Variants in PDZD8 observed in about 807,000 individuals in gnomAD.
PDZD8 encodes the protein PDZ domain-containing protein 8.
A neutral mutation model predicts 85.8 loss-of-function variants in PDZD8; 14 were observed. The ratio of observed to expected loss-of-function variants is 0.16; its 90% confidence interval spans 0.11 to 0.26. PDZD8 has a LOEUF of 0.26. Ranked by LOEUF, PDZD8 falls within the 10% of genes least tolerant of loss-of-function variation. The pLI is 1.00. For missense variants in PDZD8, 1,197 were observed against 1,424.3 expected (o/e 0.84, Z 2.57); for synonymous variants, 592 against 568.6 (o/e 1.04, Z -0.59).
intron 2 of PDZD8, among the ~76,000 whole-genome samples, chr10:117,322,960 A>G (rs1288426117): frequency 6.6e-6 from 1 of 152,088 alleles, no homozygotes; most frequent in African/African-American, 2.4e-5. Context: ...GAGACCCAAG[A>G]CTCAAGGTAA....
chr10:117,311,504 A>G (rs1026545988), intron 3 of PDZD8, among the ~76,000 whole-genome samples: 1 of 152,124 alleles, frequency 6.6e-6, no homozygotes, highest in Non-Finnish European at 1.5e-5. Flanking sequence ...GAGCAAAACA[A>G]TCATGGTACC....
chr10:117,368,915 G>A (rs1304423833), intron 1 of PDZD8, among the ~76,000 whole-genome samples: 1 of 144,414 alleles, frequency 6.9e-6, no homozygotes, highest in African/African-American at 2.6e-5. Flanking sequence ...GAATACAGTG[G>A]CGCAATCTTG....
chr10:117,283,262 T>C lies in PDZD8; in HGVS notation c.*6A>G, dbSNP rs754733812. ...GTTCATTTGAAAGCTTAAATAGACC[T>C]GTCTGCTACACAGACTCGGATGGGC... On this transcript the variant is annotated 3_prime_UTR_variant, in exon 5 of 5. Coordinates refer to ENST00000334464, the MANE Select transcript of PDZD8 (RefSeq NM_173791.5). 4 of 1,597,464 alleles carry C rather than the reference T, an allele frequency of 2.5e-6. No homozygotes were observed. The African/African-American group carries it at 4.1e-5, about 16-fold the overall frequency.
intron 3 of PDZD8, among the ~76,000 whole-genome samples, chr10:117,302,766 C>T (rs1416282228): frequency 6.6e-6 from 1 of 152,120 alleles, no homozygotes; most frequent in Non-Finnish European, 1.5e-5. Context: ...GTGCTATTCT[C>T]GTGATAGTGA....
rs1385406729 is a variant in PDZD8, at chr10:117,283,266, T to C, written c.*2A>G. On this transcript the variant is annotated 3_prime_UTR_variant, in exon 5 of 5. Transcript: ENST00000334464. The stretch of plus-strand genomic sequence containing the variant: ...ATTTGAAAGCTTAAATAGACCTGTC[T>C]GCTACACAGACTCGGATGGGCCAAA... 1 of 1,605,768 alleles carries C rather than the reference T, an allele frequency of 6.2e-7. No individual in the cohort carries two copies. Among genetic ancestry groups the C allele is most frequent in the Admixed American group, 1.7e-5 (1 of 58,450 alleles).
intron 2 of PDZD8, among the ~76,000 whole-genome samples, chr10:117,328,871 C>A (rs1844365139): frequency 6.6e-6 from 1 of 152,192 alleles, no homozygotes; most frequent in Non-Finnish European, 1.5e-5. Flanking sequence ...TAGGCGTGGG[C>A]CACAGCACCA....
intron 4 of PDZD8, among the ~76,000 whole-genome samples, chr10:117,287,717 G>A (rs1488834400): frequency 6.6e-6 from 1 of 152,112 alleles, no homozygotes; most frequent in African/African-American, 2.4e-5. Flanking sequence ...GCTTTTAACT[G>A]CAATCTCTCA....
intron 3 of PDZD8, among the ~76,000 whole-genome samples, chr10:117,305,112 A>G (rs529712217): frequency 1.5e-4 from 23 of 152,250 alleles, no homozygotes; most frequent in South Asian, 2.1e-4. Context: ...CAGCAACTGT[A>G]TAATAAAAAA....
chr10:117,346,701 T>C (rs1186640555), intron 1 of PDZD8, among the ~76,000 whole-genome samples: 1 of 151,946 alleles, frequency 6.6e-6, no homozygotes, highest in East Asian at 1.9e-4. Context: ...CAGTATGGTG[T>C]CTCCTCCCCT....
intron 1 of PDZD8, among the ~76,000 whole-genome samples, chr10:117,342,676 C>G (rs1844636418): frequency 1.3e-5 from 2 of 152,096 alleles, no homozygotes; most frequent in Non-Finnish European, 2.9e-5. Flanking sequence ...TGGGGTTTTG[C>G]CACGCTGGCC....
intron 2 of PDZD8, among the ~76,000 whole-genome samples, chr10:117,333,302 G>A (rs531456770): frequency 6.6e-6 from 1 of 152,106 alleles, no homozygotes; most frequent in South Asian, 2.1e-4. Flanking sequence ...GATGCTCTAA[G>A]AGCTGAAAAT....
Position 117,374,983 on chromosome 10 carries a change from G to A in PDZD8, c.245C>T (p.Ala82Val), listed in dbSNP as rs1365794555. ...CGGCGGGGCGGGGGTCTCGGGGGCC[G>A]CGGTGGGGGTCGCGCCGCCCTCAGG... ...AAPEGGATPT[A>V]APETPAPPTR... is the part of the protein sequence containing the mutation. The change falls in exon 1 of 5, where the codon GCG (alanine) becomes GTG (valine). Residue 82 changes from alanine (A) to valine (V), a missense_variant. This residue lies in a region of PDZD8 where 172 missense variants were observed against 137.8 expected (regional missense o/e 1.25). Transcript: ENST00000334464. This position sits in a 1 kb window ranked among gnomAD's most constrained non-coding sequence, Gnocchi z 7.8. 2 of 1,597,278 alleles carry A rather than the reference G, an allele frequency of 1.3e-6. No homozygotes were observed. The highest frequency in any genetic ancestry group is 2.2e-5 in the South Asian group (2 of 89,732).
At chr10:117,340,784 A>C (rs1844597760) in intron 2 of PDZD8, among the ~76,000 whole-genome samples, 196 bp downstream of exon 2, 2 of 152,216 alleles carry the variant, frequency 1.3e-5, no homozygotes, top group Admixed American at 1.3e-4. Flanking sequence ...CTCTCCCTCC[A>C]TTAAAACACT....
intron 2 of PDZD8, among the ~76,000 whole-genome samples, chr10:117,338,822 A>G (rs1844559809): frequency 6.6e-6 from 1 of 152,190 alleles, no homozygotes; most frequent in Non-Finnish European, 1.5e-5. Context: ...GCTTTAAGTG[A>G]GCAGTACTGC....
chr10:117,341,169 C>G, intron 1 of PDZD8, 67 bp from the exon 2 acceptor site: 1 of 1,523,626 alleles, frequency 6.6e-7, no homozygotes, highest in African/African-American at 1.4e-5. Context: ...CATAACAAAA[C>G]TCACCTGTAC....
intron 2 of PDZD8, among the ~76,000 whole-genome samples, chr10:117,326,962 T>A (rs1206324270): frequency 1.3e-5 from 2 of 152,320 alleles, no homozygotes; most frequent in East Asian, 3.9e-4. Flanking sequence ...ATTGCTTTGG[T>A]TCATGGGGAC....
chr10:117,311,655 G>A (rs1351081244), intron 3 of PDZD8, among the ~76,000 whole-genome samples: 2 of 152,102 alleles, frequency 1.3e-5, no homozygotes, highest in African/African-American at 4.8e-5. Flanking sequence ...GATGATTACT[G>A]TTTTATTAAT....
chr10:117,305,304 T>C (rs1301412287), intron 3 of PDZD8, among the ~76,000 whole-genome samples: 1 of 151,772 alleles, frequency 6.6e-6, no homozygotes, highest in Non-Finnish European at 1.5e-5. Flanking sequence ...CCCACCTACT[T>C]GGGAGGCTGA....
chr10:117,357,841 ATG>A (rs1491264618), intron 1 of PDZD8, among the ~76,000 whole-genome samples: 7 of 145,906 alleles, frequency 4.8e-5, no homozygotes, highest in Non-Finnish European at 1.1e-4. Flanking sequence ...GATCAGGAAA[ATG>A]TGAACACTAT....
Sources: gnomAD v4.1 joint callset for allele counts (sites outside exome capture counted in the v4.1 genomes callset) on GRCh38, gnomAD v4.1.1 for gene constraint, gnomAD v4.1.1 regional missense constraint, Gnocchi (gnomAD v3.1) non-coding constraint, MANE v1.5 for transcripts, NCBI Gene and HGNC (gene_info 2026-07-23, HGNC 2026-07-21) for gene names.